NR3C2: variants seen among roughly 807,000 people sequenced by gnomAD.
NR3C2 encodes the protein nuclear receptor subfamily 3 group C member 2.
NR3C2 carries 15 observed loss-of-function variants against 86.4 expected under a neutral mutation model. The ratio of observed to expected loss-of-function variants is 0.17; its 90% CI spans 0.12 to 0.27. The LOEUF (loss-of-function observed/expected upper bound fraction) is 0.27. Ranked by LOEUF, NR3C2 falls within the 10% of genes least tolerant of loss-of-function variation. NR3C2 has a pLI of 1.00. For missense variants in NR3C2, 960 were observed against 1,195.6 expected, an observed-to-expected ratio of 0.80 and a Z score of 2.91; for synonymous variants, 458 against 450.5, an observed-to-expected ratio of 1.02 and a Z score of -0.21.
At chr4:148,398,371 T>A (rs1747965513) in intron 2 of NR3C2, among the ~76,000 whole-genome samples, 1 of 152,190 alleles carries the variant, frequency 6.6e-6, no homozygotes, top group Non-Finnish European at 1.5e-5. Flanking sequence ...CAAGTAAGTA[T>A]GAGAAATTGA....
chr4:148,433,303 A>G (rs781355791), intron 2 of NR3C2, among the ~76,000 whole-genome samples: 44 of 152,196 alleles, frequency 2.9e-4, no homozygotes, highest in Admixed American at 1.0e-3. Flanking sequence ...GTTTTCAAAA[A>G]TAAAAAAGCA....
At position 148,248,578 on chromosome 4, in the gene NR3C2, T is replaced by C. The variant is rs774662042; in HGVS notation, c.1897+11400A>G. On this transcript the variant is annotated intron_variant, in intron 3 of 8. Transcript: ENST00000358102. ...TCTTTGCTCTTTGTCTGGTTCTGTA[T>C]TGGGGCAAACTAAATTTAAATCCTG... Among the ~76,000 whole-genome samples the C allele has an allele frequency of 3.9e-5, 6 of 152,226 alleles. No individual in the cohort carries two copies. The East Asian group carries it at 5.8e-4, about 15-fold the overall frequency.
At chr4:148,342,628 C>T (rs1434364891) in intron 2 of NR3C2, among the ~76,000 whole-genome samples, 1 of 152,168 alleles carries the variant, frequency 6.6e-6, no homozygotes, top group Non-Finnish European at 1.5e-5. Flanking sequence ...ATATCTGAAC[C>T]TGCTGTGGGG....
At chr4:148,147,220 T>G (rs1191595507) in intron 6 of NR3C2, among the ~76,000 whole-genome samples, 2 of 152,220 alleles carry the variant, frequency 1.3e-5, no homozygotes, top group Non-Finnish European at 2.9e-5. Context: ...CCACCTTTCC[T>G]CCATCTCCAG....
In NR3C2 at chr4:148,190,389, T is replaced by C. The variant is rs539136958; in HGVS notation, c.2014+4357A>G. Among the ~76,000 whole-genome samples the C allele has an allele frequency of 2.0e-4, 30 of 152,334 alleles. No homozygotes were observed. In the South Asian group the frequency reaches 6.2e-3, roughly 32 times the overall value. The stretch of plus-strand genomic sequence containing the variant: ...CGTCCAATTTTATTCCACTGTGGTC[T>C]GAGAGAGTGCTTGATATAATTTCAA... On this transcript the variant is annotated intron_variant, in intron 4 of 8. Transcript: ENST00000358102.
In NR3C2 at chr4:148,435,138, G is replaced by T; in HGVS notation, c.1723C>A (p.Pro575Thr). 6.2e-7 allele frequency: 1 copy of T among 1,614,128 alleles called. No homozygotes were observed. Among genetic ancestry groups the T allele is most frequent in the South Asian group, 1.1e-5 (1 of 91,074 alleles). ...TTTTCTGGAATGTATTCTAAGACCG[G>T]ATACCCATCACTTCTTCTAGACGAC... The part of the protein sequence containing the change: ...DLSSRRSDGY[P>T]VLEYIPENVS... The change falls in exon 2 of 9, where the codon CCG (proline) becomes ACG (threonine). Residue 575 changes from proline (P) to threonine (T), a missense_variant. Pro to Thr is a conservative substitution (Grantham distance 38). Coordinates refer to ENST00000358102, the MANE Select transcript of NR3C2 (RefSeq NM_000901.5).
At chr4:148,112,174 G>GCCTTA (rs919858732) in intron 8 of NR3C2, among the ~76,000 whole-genome samples, 3 of 151,908 alleles carry the variant, frequency 2.0e-5, no homozygotes, top group African/African-American at 7.2e-5. Flanking sequence ...ACTAGGTGAG[G>GCCTTA]CCTTAGTGTT....
chr4:148,180,497 T>C (rs1222262741), intron 4 of NR3C2, among the ~76,000 whole-genome samples: 1 of 152,210 alleles, frequency 6.6e-6, no homozygotes, highest in African/African-American at 2.4e-5. Flanking sequence ...TTAATGCTTC[T>C]CTTTTTAGTT....
At chr4:148,082,608 C>A (rs1232145641) in intron 8 of NR3C2, among the ~76,000 whole-genome samples, 1 of 151,224 alleles carries the variant, frequency 6.6e-6, no homozygotes, top group African/African-American at 2.4e-5. Context: ...CCACCAGGGC[C>A]CTGGGTTTCA....
At chr4:148,344,053 G>T (rs564633644) in intron 2 of NR3C2, among the ~76,000 whole-genome samples, 1 of 152,200 alleles carries the variant, frequency 6.6e-6, no homozygotes, top group East Asian at 1.9e-4. Context: ...AGAGGAAGGG[G>T]GATAGACATA....
Position 148,080,876 on chromosome 4 carries a change from AT to A in NR3C2, c.*467del, listed in dbSNP as rs748857706. 2.8e-5 allele frequency: 10 copies of A among 363,170 alleles called. No homozygotes were observed. The highest frequency in any genetic ancestry group is 5.0e-5 in the Non-Finnish European group (9 of 178,408). 22.5% of individuals were successfully genotyped at this position (363,170 alleles called of 1,614,324 possible). A position where few individuals can be genotyped will look rare whatever the true frequency, so the allele number is the denominator to read the frequency against. Reference sequence around the variant, plus strand: ...AGGAATCTGTATATATTTTTTTATTATTTTTTTGTGTTTTTTTAATAACAAA... The same window carrying A: ...AGGAATCTGTATATATTTTTTTATTATTTTTTGTGTTTTTTTAATAACAAA... On this transcript the variant is annotated 3_prime_UTR_variant, in exon 9 of 9. Transcript: ENST00000358102.
chr4:148,266,426 G>A (rs1233486083), intron 2 of NR3C2, among the ~76,000 whole-genome samples: 1 of 152,156 alleles, frequency 6.6e-6, no homozygotes, highest in Non-Finnish European at 1.5e-5. Flanking sequence ...GCCACGTGAA[G>A]GTGCCAAAGG....
At chr4:148,200,797 CATT>C (rs1318982753) in intron 3 of NR3C2, among the ~76,000 whole-genome samples, 1 of 152,126 alleles carries the variant, frequency 6.6e-6, no homozygotes, top group Admixed American at 6.5e-5. Context: ...CTGTGATTAT[CATT>C]ATTACTATTA....
intron 6 of NR3C2, among the ~76,000 whole-genome samples, chr4:148,144,025 A>G (rs1406679775): frequency 6.6e-6 from 1 of 151,452 alleles, no homozygotes; most frequent in Non-Finnish European, 1.5e-5. Context: ...TCTTAAGTTA[A>G]TACTCCCCTC....
rs199724634 is a variant in NR3C2 at position 148,435,285 on chromosome 4, T to A, written c.1576A>T (p.Arg526Trp). 1.2e-6 allele frequency: 2 copies of A among 1,614,184 alleles called. No individual in the cohort carries two copies. Among genetic ancestry groups the A allele is most frequent in the Non-Finnish European group, 1.7e-6 (2 of 1,180,038 alleles). The change falls in exon 2 of 9, where the codon AGG becomes TGG. Residue 526 changes from arginine to tryptophan, a missense_variant. This residue lies in a region of NR3C2 where 680 missense variants were observed against 719.0 expected (regional missense o/e 0.95). Coordinates refer to ENST00000358102, the MANE Select transcript of NR3C2 (RefSeq NM_000901.5). The part of the protein sequence containing the change: ...VNSGGQSFHY[R>W]IGAQGTISLS... ...GATATTGTACCTTGAGCACCAATCC[T>A]GTAGTGGAAGGACTGTCCACCTGAA... is the stretch of plus-strand genomic sequence containing the variant.
At chr4:148,085,750 TGAA>T (rs1730784343) in intron 8 of NR3C2, among the ~76,000 whole-genome samples, 2 of 151,434 alleles carry the variant, frequency 1.3e-5, no homozygotes, top group Non-Finnish European at 1.5e-5. Flanking sequence ...GCCAGACTAA[TGAA>T]GAAAAGAGAG....
chr4:148,294,038 G>A (rs1741922162), intron 2 of NR3C2, among the ~76,000 whole-genome samples: 1 of 152,084 alleles, frequency 6.6e-6, no homozygotes, highest in South Asian at 2.1e-4. Flanking sequence ...TGGCCCTATT[G>A]GGTATCCTCC....
At chr4:148,113,962 T>C in intron 8 of NR3C2, 142 bp downstream of exon 8, 2 of 1,003,456 alleles carry the variant, frequency 2.0e-6, no homozygotes, top group Non-Finnish European at 3.1e-6. Context: ...CTTCAGCCCC[T>C]TGGACATGGC....
rs1741026809 is a variant in NR3C2, at chr4:148,277,694, CAG to C, written c.1758-17579_1758-17578del. 2.0e-5 allele frequency among the ~76,000 whole-genome samples: 3 copies of C among 152,260 alleles called. No homozygotes were observed. In the South Asian group the frequency reaches 6.2e-4, roughly 32 times the overall value. On this transcript the variant is annotated intron_variant, in intron 2 of 8. Coordinates refer to ENST00000358102, the MANE Select transcript of NR3C2 (RefSeq NM_000901.5). The stretch of plus-strand genomic sequence containing the variant: ...TGCAATCTAAAGTTCAAGCAAGTAA[CAG>C]GGAATAAAAGTTGTACACAAATGGT...
Sources: gnomAD v4.1 joint callset for allele counts (sites outside exome capture counted in the v4.1 genomes callset) on GRCh38, gnomAD v4.1.1 for gene constraint, gnomAD v4.1.1 regional missense constraint, MANE v1.5 for transcripts, NCBI Gene and HGNC (gene_info 2026-07-23, HGNC 2026-07-21) for gene names.